The following CD4 variants were observed in gnomAD, a reference collection of about 807,000 sequenced individuals.
The protein encoded by CD4 is CD4 molecule.
CD4 carries 25 observed loss-of-function variants against 50.5 expected under a neutral mutation model. The observed-to-expected ratio is 0.49, with a 90% CI of 0.36 to 0.69. The LOEUF (loss-of-function observed/expected upper bound fraction) is 0.69, where lower values mean the gene tolerates loss of function less well. Among genes scored for constraint, CD4 ranks in the 30% least tolerant of loss-of-function variants. The probability of loss-of-function intolerance (pLI) is 0.00; values close to 1 mark genes in which losing one functional copy is unlikely to be tolerated. For synonymous variants in CD4, 207 were observed against 221.9 expected (o/e 0.93, Z 0.60); for missense variants, 456 against 548.5 (o/e 0.83, Z 1.68).
chr12:6,800,065 C>A lies in CD4; in HGVS notation c.-67-7C>A, dbSNP rs1942489801. 1 of 1,331,608 alleles carries A rather than the reference C, an allele frequency of 7.5e-7. No individual in the cohort carries two copies. Among genetic ancestry groups the A allele is most frequent in the Admixed American group, 1.7e-5 (1 of 59,448 alleles). 82.5% of individuals were successfully genotyped at this position (1,331,608 alleles called of 1,614,324 possible). ...GTTTGCTGACTAATGATTGGCATTT[C>A]CCTCAGGCCCTGCCATTTCTGTGGG... On this transcript the variant is annotated splice_polypyrimidine_tract_variant and splice_region_variant and intron_variant, in intron 1 of 9. Coordinates refer to ENST00000011653, the MANE Select transcript of CD4 (RefSeq NM_000616.5).
rs1555115093 is a variant in CD4, at chr12:6,800,481, C to T, written c.214+10C>T. On this transcript the variant is annotated intron_variant, in intron 3 of 9. Coordinates refer to ENST00000011653, the MANE Select transcript of CD4 (RefSeq NM_000616.5). The stretch of plus-strand genomic sequence containing the variant: ...TCCTTCTTAACTAAAGGTAGGGTTG[C>T]CTGGCTCCCCATCCAGGGAGGAAAA... 7.5e-6 allele frequency: 12 copies of T among 1,608,396 alleles called. No homozygotes were observed. Among genetic ancestry groups the T allele is most frequent in the Non-Finnish European group, 1.0e-5 (12 of 1,177,650 alleles).
In CD4 at chr12:6,792,836, G is replaced by T. The variant is rs2707210; in HGVS notation, c.-68+3174G>T. On this transcript the variant is annotated intron_variant, in intron 1 of 9. Coordinates refer to ENST00000011653, the MANE Select transcript of CD4 (RefSeq NM_000616.5). The surrounding 1 kb of genome is among the most constrained non-coding windows in gnomAD (Gnocchi z 4.1). ...GGAGCCCGGGAGAGCCAGCACGGCC[G>T]CCTGGTATATGAGGCAAAGAGGAAG... is the stretch of plus-strand genomic sequence containing the variant. Among the ~76,000 whole-genome samples, 78,414 of 151,922 alleles carry T rather than the reference G, an allele frequency of 0.52. 20,600 individuals are homozygous for T. The highest frequency in any genetic ancestry group is 0.72 in the East Asian group (3,731 of 5,154).
intron 3 of CD4, among the ~76,000 whole-genome samples, chr12:6,808,161 A>G (rs1942825644): frequency 6.6e-6 from 1 of 151,668 alleles, no homozygotes; most frequent in Admixed American, 6.6e-5. Context: ...ACTAACCTAA[A>G]AAGTGAAGAT....
chr12:6,801,478 C>T (rs1229843916), intron 3 of CD4, among the ~76,000 whole-genome samples: 5 of 145,480 alleles, frequency 3.4e-5, no homozygotes, highest in Non-Finnish European at 7.5e-5. Context: ...GATTGCACCA[C>T]TGCACTCCAG....
intron 1 of CD4, 139 bp from the exon 2 acceptor site, chr12:6,799,933 C>A: frequency 1.7e-6 from 1 of 581,044 alleles, no homozygotes; most frequent in Non-Finnish European, 3.1e-6. Flanking sequence ...CTTAATCCAA[C>A]CTCCAATTCC....
chr12:6,810,255 C>A (rs141582074), intron 3 of CD4, among the ~76,000 whole-genome samples: 1 of 152,208 alleles, frequency 6.6e-6, no homozygotes, highest in Non-Finnish European at 1.5e-5. Context: ...CCCAGACTCA[C>A]TCATATGCTT....
intron 3 of CD4, among the ~76,000 whole-genome samples, chr12:6,813,093 CAG>C (rs1253196179): frequency 5.3e-5 from 8 of 151,582 alleles, no homozygotes; most frequent in South Asian, 2.1e-4. Context: ...TTTTTTGAGA[CAG>C]AGTCTCACTC....
rs782763953 is a variant in CD4 at position 6,815,994 on chromosome 12, C to G, written c.608-62C>G. ...CTCCCTGCTGCCTCCACATGCCAACCCCACTCGTGCACCCTCATCTTCCTA... is the reference window on the plus strand; with the variant it reads ...CTCCCTGCTGCCTCCACATGCCAACGCCACTCGTGCACCCTCATCTTCCTA... On this transcript the variant is annotated intron_variant, in intron 5 of 9. Transcript: ENST00000011653. 174 of 1,604,396 alleles carry G rather than the reference C, an allele frequency of 1.1e-4. No individual in the cohort carries two copies. In the African/African-American group the frequency reaches 1.8e-3, roughly 17 times the overall value.
At chr12:6,802,446 C>T (rs782146008) in intron 3 of CD4, among the ~76,000 whole-genome samples, 75 of 151,970 alleles carry the variant, frequency 4.9e-4, no homozygotes, top group African/African-American at 1.7e-3. Context: ...GTAGCTGGGA[C>T]TACAGGTGCA....
In CD4 at chr12:6,817,175, C is replaced by A; in HGVS notation, c.1001C>A (p.Thr334Asn). The A allele has an allele frequency of 6.2e-7, 1 of 1,614,108 alleles. No homozygotes were observed. The highest frequency in any genetic ancestry group is 8.5e-7 in the Non-Finnish European group (1 of 1,179,964). ...TTGACCTGTGAGGTGTGGGGACCCA[C>A]CTCCCCTAAGCTGATGCTGAGTTTG... Reference protein sequence around the residue: ...KNLTCEVWGPTSPKLMLSLKL... With the variant: ...KNLTCEVWGPNSPKLMLSLKL... The change falls in exon 7 of 10, where the codon ACC (threonine) becomes AAC (asparagine). Residue 334 changes from threonine to asparagine, a missense_variant. Transcript: ENST00000011653.
At chr12:6,796,739 C>T (rs935482969) in intron 1 of CD4, among the ~76,000 whole-genome samples, 1 of 152,194 alleles carries the variant, frequency 6.6e-6, no homozygotes. Flanking sequence ...CACAAATTAG[C>T]TGGGTGTTGT....
At chr12:6,815,422 T>G (rs1200388105) in intron 5 of CD4, among the ~76,000 whole-genome samples, 2 of 152,176 alleles carry the variant, frequency 1.3e-5, no homozygotes, top group African/African-American at 4.8e-5. Flanking sequence ...CAGGCCACTG[T>G]GGGGAGACCA....
At chr12:6,813,934 T>C (rs1240914859) in intron 3 of CD4, 4 of 478,856 alleles carry the variant, frequency 8.4e-6, no homozygotes, top group African/African-American at 7.7e-5. Context: ...AAGGATATGA[T>C]TTTATTTGTA....
intron 1 of CD4, among the ~76,000 whole-genome samples, chr12:6,793,004 G>A (rs1373346969): frequency 6.6e-6 from 1 of 152,156 alleles, no homozygotes; most frequent in Non-Finnish European, 1.5e-5. Context: ...GCCAGGGCTT[G>A]AGGGACCAGA....
In CD4 at chr12:6,816,005, A is replaced by G. The variant is rs781864746; in HGVS notation, c.608-51A>G. ...CTCCACATGCCAACCCCACTCGTGC[A>G]CCCTCATCTTCCTATCTCCTCACCC... On this transcript the variant is annotated intron_variant, in intron 5 of 9. Transcript: ENST00000011653. The surrounding 1 kb of genome is among the most constrained non-coding windows in gnomAD (Gnocchi z 4.9). The G allele has an allele frequency of 9.3e-6, 15 of 1,610,144 alleles. No individual in the cohort carries two copies. The South Asian group carries it at 1.7e-4, about 18-fold the overall frequency.
intron 3 of CD4, among the ~76,000 whole-genome samples, chr12:6,809,109 C>T (rs1555116669): frequency 2.0e-5 from 3 of 152,170 alleles, no homozygotes; most frequent in Admixed American, 6.5e-5. Context: ...CCTCCTTGTT[C>T]TCCCAATTTC....
chr12:6,793,781 C>T (rs1027504130), intron 1 of CD4, among the ~76,000 whole-genome samples: 3 of 149,940 alleles, frequency 2.0e-5, no homozygotes, highest in Non-Finnish European at 4.4e-5. Flanking sequence ...TCCCAAGTAG[C>T]TGAGATTACA....
intron 3 of CD4, among the ~76,000 whole-genome samples, chr12:6,805,206 AGAAAAG>A (rs1942700869): frequency 3.5e-5 from 1 of 28,222 alleles, no homozygotes; most frequent in Non-Finnish European, 7.4e-5. Flanking sequence ...AAAAAAAAAA[AGAAAAG>A]AAAAGAAAAG....
At chr12:6,796,257 A>G (rs563862099) in intron 1 of CD4, among the ~76,000 whole-genome samples, 1 of 152,254 alleles carries the variant, frequency 6.6e-6, no homozygotes, top group South Asian at 2.1e-4. Context: ...ACTATACACA[A>G]AGTAGAAGGT....
Sources: gnomAD v4.1 joint callset for allele counts (sites outside exome capture counted in the v4.1 genomes callset) on GRCh38, gnomAD v4.1.1 for gene constraint, Gnocchi (gnomAD v3.1) non-coding constraint, MANE v1.5 for transcripts, NCBI Gene and HGNC (gene_info 2026-07-23, HGNC 2026-07-21) for gene names.